The following ELP4 variants were observed in gnomAD, a reference collection of about 807,000 sequenced individuals.
The protein encoded by ELP4 is elongator acetyltransferase complex subunit 4.
In ELP4, 51 loss-of-function variants were observed where a neutral mutation model predicts 48.9. That is an observed-to-expected ratio of 1.04 (90% CI 0.83 to 1.32). The LOEUF (loss-of-function observed/expected upper bound fraction) is 1.32. ELP4 is among the 40% of genes most tolerant of loss of function. The probability of loss-of-function intolerance (pLI) is 0.00; values close to 1 mark genes in which losing one functional copy is unlikely to be tolerated. For synonymous variants in ELP4, 210 were observed against 189.2 expected (o/e 1.11, Z -0.90); for missense variants, 519 against 514.6 (o/e 1.01, Z -0.08).
chr11:31,557,904 A>G (rs150420367), intron 3 of ELP4, among the ~76,000 whole-genome samples: 523 of 152,166 alleles, frequency 3.4e-3, no homozygotes, highest in Non-Finnish European at 5.1e-3. Context: ...AGACTATATA[A>G]TGGTATTTAT....
intron 2 of ELP4, among the ~76,000 whole-genome samples, chr11:31,529,889 C>T (rs1956365908): frequency 6.6e-6 from 1 of 152,158 alleles, no homozygotes; most frequent in East Asian, 1.9e-4. Flanking sequence ...CCACACTTAA[C>T]ATCTGCATGG....
At chr11:31,730,006 A>G (rs1947151309) in intron 9 of ELP4, among the ~76,000 whole-genome samples, 1 of 152,192 alleles carries the variant, frequency 6.6e-6, no homozygotes, top group Non-Finnish European at 1.5e-5. Flanking sequence ...TGGAAATACC[A>G]ATTCAACACC....
chr11:31,575,142 T>C (rs1313229392), intron 3 of ELP4, among the ~76,000 whole-genome samples: 2 of 152,182 alleles, frequency 1.3e-5, no homozygotes, highest in Non-Finnish European at 2.9e-5. Flanking sequence ...ACGTGAAGCA[T>C]GCATAAGCTT....
chr11:31,674,912 T>C (rs1384267913), intron 9 of ELP4, among the ~76,000 whole-genome samples: 1 of 152,226 alleles, frequency 6.6e-6, no homozygotes, highest in South Asian at 2.1e-4. Context: ...TAGCAATGTC[T>C]TCATTAATTC....
intron 9 of ELP4, among the ~76,000 whole-genome samples, chr11:31,659,243 A>G (rs1179901913): frequency 6.6e-6 from 1 of 152,088 alleles, no homozygotes; most frequent in Non-Finnish European, 1.5e-5. Context: ...CATCACTCCA[A>G]GTCACAGTAG....
At chr11:31,703,382 A>G (rs1360699038) in intron 9 of ELP4, among the ~76,000 whole-genome samples, 3 of 152,054 alleles carry the variant, frequency 2.0e-5, no homozygotes, top group Non-Finnish European at 4.4e-5. Flanking sequence ...ATATACTGTG[A>G]CTCTGCTAGT....
intron 9 of ELP4, among the ~76,000 whole-genome samples, chr11:31,659,587 G>A (rs1427549705): frequency 6.6e-6 from 1 of 152,018 alleles, no homozygotes; most frequent in Non-Finnish European, 1.5e-5. Flanking sequence ...ATGTATTTGG[G>A]TGTTTTTTAA....
chr11:31,571,356 G>A (rs935748761), intron 3 of ELP4, among the ~76,000 whole-genome samples: 1 of 152,172 alleles, frequency 6.6e-6, no homozygotes, highest in Non-Finnish European at 1.5e-5. Context: ...GTTTTCTCAT[G>A]AGATGGCAGC....
intron 7 of ELP4, among the ~76,000 whole-genome samples, chr11:31,637,118 A>T (rs1385057509): frequency 6.6e-6 from 1 of 151,746 alleles, no homozygotes; most frequent in Non-Finnish European, 1.5e-5. Context: ...TTCCAGCATT[A>T]CTCAGTTCCC....
intron 2 of ELP4, among the ~76,000 whole-genome samples, chr11:31,528,595 G>A (rs1032870596): frequency 6.6e-6 from 1 of 151,896 alleles, no homozygotes; most frequent in African/African-American, 2.4e-5. Flanking sequence ...CATTTAATAG[G>A]TACCTCTTAA....
chr11:31,568,748 C>T (rs902633599), intron 3 of ELP4, among the ~76,000 whole-genome samples: 5 of 152,148 alleles, frequency 3.3e-5, no homozygotes, highest in Admixed American at 2.6e-4. Context: ...AAACTAGACA[C>T]CTGCCTATCG....
intron 4 of ELP4, among the ~76,000 whole-genome samples, chr11:31,596,033 T>G (rs1238190147): frequency 6.6e-6 from 1 of 152,204 alleles, no homozygotes; most frequent in Non-Finnish European, 1.5e-5. Context: ...AGTTCAAATG[T>G]TACTACCTCT....
At chr11:31,632,624 T>C (rs1403332658) in intron 7 of ELP4, 2 of 405,824 alleles carry the variant, frequency 4.9e-6, no homozygotes, top group Non-Finnish European at 8.6e-6. Flanking sequence ...TACAACTTGG[T>C]AATAATTTTC....
chr11:31,655,533 G>T (rs1166334798), intron 9 of ELP4, among the ~76,000 whole-genome samples: 1 of 152,094 alleles, frequency 6.6e-6, no homozygotes, highest in East Asian at 1.9e-4. Flanking sequence ...CTGTTGTTTT[G>T]CCAGGTATGA....
intron 9 of ELP4, among the ~76,000 whole-genome samples, chr11:31,658,882 A>G (rs1244989499): frequency 6.6e-6 from 1 of 151,912 alleles, no homozygotes; most frequent in African/African-American, 2.4e-5. Flanking sequence ...TGATTCTTTC[A>G]TATTAAGAGC....
intron 3 of ELP4, among the ~76,000 whole-genome samples, chr11:31,592,588 ATG>A (rs1957601184): frequency 6.7e-6 from 1 of 150,194 alleles, no homozygotes; most frequent in Non-Finnish European, 1.5e-5. Context: ...ATATATGTAT[ATG>A]TATATATAAG....
At chr11:31,558,378 C>T (rs2133938072) in intron 3 of ELP4, among the ~76,000 whole-genome samples, 1 of 152,218 alleles carries the variant, frequency 6.6e-6, no homozygotes, top group African/African-American at 2.4e-5. Context: ...GGAGAATAAA[C>T]CGACTCTCCA....
At chr11:31,657,270 C>T (rs945407830) in intron 9 of ELP4, among the ~76,000 whole-genome samples, 1 of 152,000 alleles carries the variant, frequency 6.6e-6, no homozygotes, top group Non-Finnish European at 1.5e-5. Context: ...CTTTTCATGT[C>T]ATTTGGATTG....
chr11:31,633,258 C>T (rs1944902487), intron 7 of ELP4: 1 of 151,974 alleles, frequency 6.6e-6, no homozygotes, highest in Admixed American at 6.6e-5. Context: ...TTATATACAG[C>T]ATATATAGCA....
Sources: allele counts gnomAD v4.1 joint callset (sites outside exome capture counted in the v4.1 genomes callset), GRCh38; gene constraint gnomAD v4.1.1; transcripts MANE v1.5; gene names NCBI Gene and HGNC (gene_info 2026-07-23, HGNC 2026-07-21).